MARCHF1: variants seen among roughly 807,000 people sequenced by gnomAD.
MARCHF1 encodes membrane associated ring-CH-type finger 1.
MARCHF1 carries 40 observed loss-of-function variants against 54.2 expected under a neutral mutation model. That is an observed-to-expected ratio of 0.74 (90% CI 0.57 to 0.96). MARCHF1 has a LOEUF of 0.96. Ranked by LOEUF, MARCHF1 falls within the 40% of genes least tolerant of loss-of-function variation. The probability of loss-of-function intolerance (pLI) is 0.00; values close to 1 mark genes in which losing one functional copy is unlikely to be tolerated. For synonymous variants in MARCHF1, 236 were observed against 236.3 expected, an observed-to-expected ratio of 1.00 and a Z score of 0.01; for missense variants, 586 against 656.5, an observed-to-expected ratio of 0.89 and a Z score of 1.17.
At chr4:164,158,123 A>T (rs1730126283) in intron 1 of MARCHF1, among the ~76,000 whole-genome samples, 1 of 152,208 alleles carries the variant, frequency 6.6e-6, no homozygotes, top group Non-Finnish European at 1.5e-5. Flanking sequence ...ACAAGTTCTT[A>T]TATTTTTTTA....
At chr4:164,233,828 G>A (rs1732478421) in intron 1 of MARCHF1, among the ~76,000 whole-genome samples, 3 of 152,034 alleles carry the variant, frequency 2.0e-5, no homozygotes, top group Admixed American at 2.0e-4. Flanking sequence ...AAAATTTAAA[G>A]GATATACCAA....
At chr4:163,634,963 A>G (rs1343113338) in intron 5 of MARCHF1, among the ~76,000 whole-genome samples, 1 of 104,146 alleles carries the variant, frequency 9.6e-6, no homozygotes, top group African/African-American at 4.7e-5. Context: ...CCGCTCAACT[A>G]CATGGAAACT....
chr4:164,118,435 T>C (rs1326148036), intron 1 of MARCHF1, among the ~76,000 whole-genome samples: 2 of 150,882 alleles, frequency 1.3e-5, no homozygotes, highest in Admixed American at 1.3e-4. Flanking sequence ...AAGATATTAT[T>C]TGTATAAACA....
chr4:163,980,394 G>A (rs1046031267), intron 3 of MARCHF1, among the ~76,000 whole-genome samples: 23 of 144,158 alleles, frequency 1.6e-4, no homozygotes, highest in African/African-American at 6.0e-4. Flanking sequence ...TTAAACGTTA[G>A]ACCTAAAACC....
chr4:164,142,039 CCAGT>C (rs1488097129), intron 1 of MARCHF1, among the ~76,000 whole-genome samples: 1 of 152,164 alleles, frequency 6.6e-6, no homozygotes, highest in East Asian at 1.9e-4. Flanking sequence ...GTTCCCTTTC[CCAGT>C]CAAAGAAAGG....
chr4:164,139,733 T>C (rs1411929746), intron 1 of MARCHF1, among the ~76,000 whole-genome samples: 1 of 152,128 alleles, frequency 6.6e-6, no homozygotes, highest in Non-Finnish European at 1.5e-5. Context: ...TTAAGCGGAA[T>C]GGAAAACCAA....
At chr4:164,189,063 C>A in intron 1 of MARCHF1, 1 of 688,594 alleles carries the variant, frequency 1.5e-6, no homozygotes, top group Non-Finnish European at 2.7e-6. Flanking sequence ...GTGGCAGAAC[C>A]TTCAATGCGT....
chr4:164,112,669 C>T (rs1755858296), intron 1 of MARCHF1, among the ~76,000 whole-genome samples: 1 of 151,804 alleles, frequency 6.6e-6, no homozygotes, highest in African/African-American at 2.4e-5. Context: ...TAAAAGTCAA[C>T]CGCTGACACT....
chr4:164,300,749 C>T (rs970550301), intron 1 of MARCHF1, among the ~76,000 whole-genome samples: 1 of 152,102 alleles, frequency 6.6e-6, no homozygotes, highest in Non-Finnish European at 1.5e-5. Flanking sequence ...CCATGTTGTC[C>T]AGGCTGGTTT....
chr4:164,150,369 A>T (rs1200481138), intron 1 of MARCHF1, among the ~76,000 whole-genome samples: 2 of 152,202 alleles, frequency 1.3e-5, no homozygotes, highest in Non-Finnish European at 2.9e-5. Context: ...GGATTGTACC[A>T]AAAGTCACTG....
At chr4:163,613,691 A>C in intron 5 of MARCHF1, 14 of 799,492 alleles carry the variant, frequency 1.8e-5, no homozygotes, top group Non-Finnish European at 2.0e-5. Context: ...GGAATAGCTC[A>C]ATTTGCTTTG....
chr4:163,760,270 G>A (rs548043787), intron 4 of MARCHF1, among the ~76,000 whole-genome samples: 4 of 152,222 alleles, frequency 2.6e-5, no homozygotes, highest in African/African-American at 2.4e-5. Flanking sequence ...TAAGGACCCC[G>A]GCAATCACAG....
In MARCHF1 at chr4:163,612,831, G is replaced by C. The variant is rs900286861; in HGVS notation, c.450C>G (p.Pro150=). The part of the protein sequence containing the change: ...KNDFHLQISS[P]RWRELYTDSS... ...AATCTGTGTAAAGCTCCCTCCACCT[G>C]GGGCTTGAGATTTGAAGGTGAAAGT... Residue 150 remains proline (P), a synonymous_variant, in exon 7 of 10, where the codon CCC becomes CCG. Coordinates refer to ENST00000514618, the MANE Select transcript of MARCHF1 (RefSeq NM_001394959.1). The C allele has an allele frequency of 9.1e-6, 14 of 1,535,178 alleles. No individual in the cohort carries two copies. Among genetic ancestry groups the C allele is most frequent in the Middle Eastern group, 3.3e-4 (2 of 5,980 alleles).
chr4:164,378,754 G>A (rs998431732), intron 1 of MARCHF1, among the ~76,000 whole-genome samples: 3 of 152,110 alleles, frequency 2.0e-5, no homozygotes, highest in Admixed American at 6.5e-5. Context: ...CTCTGTCACC[G>A]AGGCTGGAGT....
At chr4:163,585,952 G>C (rs7435076) in intron 7 of MARCHF1, 23 bp from the exon 8 acceptor site, 1 of 1,578,032 alleles carries the variant, frequency 6.3e-7, no homozygotes, top group African/African-American at 1.3e-5. Context: ...ACAGCAGCCA[G>C]TATGAGATCT....
chr4:163,930,925 T>C (rs781065425), intron 3 of MARCHF1, among the ~76,000 whole-genome samples: 3 of 152,082 alleles, frequency 2.0e-5, no homozygotes, highest in Non-Finnish European at 4.4e-5. Context: ...GTGAATTAAA[T>C]TGTGCCATGC....
intron 1 of MARCHF1, among the ~76,000 whole-genome samples, chr4:164,298,515 A>AT (rs1160698936): frequency 6.6e-6 from 1 of 152,114 alleles, no homozygotes. Context: ...TATATATTTT[A>AT]AACAATTTTC....
rs968881641 is a variant in MARCHF1 at position 164,308,796 on chromosome 4, C to T, written c.-323+75074G>A. On this transcript the variant is annotated intron_variant, in intron 1 of 9. Transcript: ENST00000514618. Reference sequence around the variant, plus strand: ...AGAGGGGAACGACAGATACTCAAACCCACTTGAGGGTGGAGGGTGGGAGGA... The same window carrying T: ...AGAGGGGAACGACAGATACTCAAACTCACTTGAGGGTGGAGGGTGGGAGGA... 2.8e-4 allele frequency among the ~76,000 whole-genome samples: 43 copies of T among 151,504 alleles called. 1 individual carries two copies. The highest frequency in any genetic ancestry group is 1.0e-3 in the African/African-American group (42 of 41,248).
intron 2 of MARCHF1, among the ~76,000 whole-genome samples, chr4:164,082,900 A>G (rs762767121): frequency 1.6e-4 from 24 of 152,220 alleles, no homozygotes; most frequent in Non-Finnish European, 3.4e-4. Context: ...TGAAATTTGA[A>G]TCAACATTAA....
Sources: allele counts gnomAD v4.1 joint callset (sites outside exome capture counted in the v4.1 genomes callset), GRCh38; gene constraint gnomAD v4.1.1; transcripts MANE v1.5; gene names NCBI Gene and HGNC (gene_info 2026-07-23, HGNC 2026-07-21).